KCTD3: variants seen among roughly 807,000 people sequenced by gnomAD.
KCTD3 encodes potassium channel tetramerization domain containing 3, also known as BTB/POZ domain-containing protein KCTD3.
KCTD3 carries 41 observed loss-of-function variants against 85.8 expected under a neutral mutation model. The ratio of observed to expected loss-of-function variants is 0.48; its 90% CI spans 0.37 to 0.62. The LOEUF is 0.62. Ranked by LOEUF, KCTD3 falls within the 20% of genes least tolerant of loss-of-function variation. KCTD3 has a pLI of 0.00. For synonymous variants in KCTD3, 338 were observed against 345.4 expected (o/e 0.98, Z 0.24); for missense variants, 724 against 989.9 (o/e 0.73, Z 3.60).
At chr1:215,590,513 T>TA (rs1377686195) in intron 9 of KCTD3, among the ~76,000 whole-genome samples, 1 of 152,170 alleles carries the variant, frequency 6.6e-6, no homozygotes, top group East Asian at 1.9e-4. Flanking sequence ...AACCTGGGGT[T>TA]GTGGGAGCCC....
intron 15 of KCTD3, chr1:215,618,648 C>A (rs957857747): frequency 1.4e-5 from 5 of 352,594 alleles, no homozygotes; most frequent in African/African-American, 6.4e-5. Context: ...TCATAAAAAT[C>A]TTTTTTTGAA....
At chr1:215,597,240 AAAAAG>A (rs1654617545) in intron 10 of KCTD3, among the ~76,000 whole-genome samples, 1 of 152,046 alleles carries the variant, frequency 6.6e-6, no homozygotes, top group Non-Finnish European at 1.5e-5. Flanking sequence ...AAAAAAAAAA[AAAAAG>A]AAATGTTTCA....
At chr1:215,595,716 C>T (rs1055111548) in intron 10 of KCTD3, among the ~76,000 whole-genome samples, 14 of 151,990 alleles carry the variant, frequency 9.2e-5, no homozygotes, top group South Asian at 2.1e-4. Context: ...TTTAAATGTT[C>T]GAAGTTCTAT....
chr1:215,604,859 T>A (rs1305754086), intron 13 of KCTD3, among the ~76,000 whole-genome samples: 1 of 151,968 alleles, frequency 6.6e-6, no homozygotes, highest in Admixed American at 6.6e-5. Flanking sequence ...AAAATTACAA[T>A]TGTAGAGATT....
chr1:215,593,938 G>A (rs1205402392), intron 9 of KCTD3, among the ~76,000 whole-genome samples: 1 of 142,702 alleles, frequency 7.0e-6, no homozygotes, highest in Admixed American at 7.4e-5. Flanking sequence ...TCGGCTCACT[G>A]TAACCTCTGC....
At chr1:215,573,713 T>TA in intron 1 of KCTD3, 73 bp from the exon 2 acceptor site, 1 of 852,464 alleles carries the variant, frequency 1.2e-6, no homozygotes, top group Non-Finnish European at 1.9e-6. Context: ...GCCAGTGTAT[T>TA]AAAACAAGTT....
chr1:215,619,397 T>TA (rs1655579207), intron 17 of KCTD3, 106 bp downstream of exon 17: 1 of 959,572 alleles, frequency 1.0e-6, no homozygotes. Context: ...CTTCTCAAGG[T>TA]ACATTTTAAA....
intron 15 of KCTD3, among the ~76,000 whole-genome samples, chr1:215,617,851 T>C (rs947156996): frequency 2.0e-5 from 3 of 147,820 alleles, no homozygotes; most frequent in Non-Finnish European, 4.5e-5. Flanking sequence ...ATTTAGTATA[T>C]ACGTAATATA....
intron 1 of KCTD3, among the ~76,000 whole-genome samples, chr1:215,571,670 G>A (rs558986041): frequency 2.1e-4 from 30 of 145,642 alleles, no homozygotes; most frequent in African/African-American, 7.7e-4. Context: ...TCGCTTTGTC[G>A]CCCATGCTGG....
intron 17 of KCTD3, among the ~76,000 whole-genome samples, chr1:215,619,504 T>C (rs892633015): frequency 1.3e-5 from 2 of 152,198 alleles, no homozygotes; most frequent in African/African-American, 4.8e-5. Flanking sequence ...TTTTAACTTA[T>C]TTTGTGAATT....
At chr1:215,577,226 CAT>C (rs1270082375) in intron 4 of KCTD3, among the ~76,000 whole-genome samples, 3 of 150,626 alleles carry the variant, frequency 2.0e-5, no homozygotes, top group Non-Finnish European at 2.9e-5. Flanking sequence ...GGTATACAAA[CAT>C]AGATCAGAAA....
chr1:215,567,756 T>A lies in KCTD3; in HGVS notation c.71T>A (p.Val24Glu), dbSNP rs1659191428. 8.0e-7 allele frequency: 1 copy of A among 1,244,468 alleles called. No homozygotes were observed. The highest frequency in any genetic ancestry group is 1.6e-5 in the African/African-American group (1 of 64,416). 77.1% of individuals were successfully genotyped at this position (1,244,468 alleles called of 1,614,324 possible). A position where few individuals can be genotyped will look rare whatever the true frequency, so the allele number is the denominator to read the frequency against. The change falls in exon 1 of 18, where the codon GTA (valine) becomes GAA (glutamate). Residue 24 changes from valine (V) to glutamate (E), a missense_variant. By Grantham distance (121) the Val-to-Glu change is moderately radical. Transcript: ENST00000259154. ...AGCGGCGAGATCGTCCAACTGAACG[T>A]AGGGGGGACCAGGTGAGTCGGCGGG... ...AGSGEIVQLN[V>E]GGTRFSTSRQ...
At chr1:215,592,638 A>G (rs1448779767) in intron 9 of KCTD3, among the ~76,000 whole-genome samples, 1 of 152,208 alleles carries the variant, frequency 6.6e-6, no homozygotes, top group Non-Finnish European at 1.5e-5. Flanking sequence ...ATAGGTAGCT[A>G]TGTTATGAGC....
intron 8 of KCTD3, among the ~76,000 whole-genome samples, chr1:215,585,718 A>G (rs1330806943): frequency 6.6e-6 from 1 of 152,222 alleles, no homozygotes; most frequent in East Asian, 1.9e-4. Context: ...AATCGCATAG[A>G]AAACATTTCT....
intron 7 of KCTD3, 46 bp from the exon 8 acceptor site, chr1:215,579,863 A>G (rs181802775): frequency 1.4e-6 from 2 of 1,414,150 alleles, no homozygotes; most frequent in African/African-American, 1.4e-5. Flanking sequence ...TAATTTGCCA[A>G]CCCCCGGTTT....
chr1:215,616,941 G>T (rs1467494167), intron 15 of KCTD3, among the ~76,000 whole-genome samples: 18 of 152,238 alleles, frequency 1.2e-4, no homozygotes, highest in Admixed American at 1.2e-3. Flanking sequence ...GGAGTAGAAG[G>T]TTGGCACTTT....
intron 3 of KCTD3, among the ~76,000 whole-genome samples, chr1:215,575,518 A>G (rs1395030573): frequency 3.3e-5 from 5 of 152,188 alleles, no homozygotes; most frequent in Non-Finnish European, 7.4e-5. Flanking sequence ...ATTGAACAGT[A>G]TAAGAAAGTA....
intron 3 of KCTD3, among the ~76,000 whole-genome samples, chr1:215,575,252 A>G (rs2102554985): frequency 6.6e-6 from 1 of 152,290 alleles, no homozygotes. Flanking sequence ...ATGCTGTCTC[A>G]AAACAAACAA....
At chr1:215,591,904 C>G (rs1660241766) in intron 9 of KCTD3, among the ~76,000 whole-genome samples, 1 of 152,128 alleles carries the variant, frequency 6.6e-6, no homozygotes, top group South Asian at 2.1e-4. Flanking sequence ...CTGGGAAATT[C>G]ACAAAAGAAA....
Sources: gnomAD v4.1 joint callset for allele counts (sites outside exome capture counted in the v4.1 genomes callset) on GRCh38, gnomAD v4.1.1 for gene constraint, MANE v1.5 for transcripts, NCBI Gene and HGNC (gene_info 2026-07-23, HGNC 2026-07-21) for gene names.